Variants in FBXO38 observed in about 807,000 individuals in gnomAD.
FBXO38 encodes F-box only protein 38.
Under a neutral mutation model 131.9 loss-of-function variants are expected in FBXO38, and 53 were observed. The observed-to-expected ratio is 0.40, with a 90% CI of 0.32 to 0.51. FBXO38 has a LOEUF of 0.51. Among genes scored for constraint, FBXO38 ranks in the 20% least tolerant of loss-of-function variants. FBXO38 has a pLI of 0.53. For missense variants in FBXO38, 1,076 were observed against 1,475.6 expected (o/e 0.73, Z 4.44); for synonymous variants, 452 against 505.6 (o/e 0.89, Z 1.42).
chr5:148,425,498 G>A, intron 13 of FBXO38, 24 bp from the exon 14 acceptor site: 1 of 1,597,384 alleles, frequency 6.3e-7, no homozygotes. Flanking sequence ...AAAAGTAACT[G>A]TTAGGCCTGT....
At chr5:148,432,369 ATAAGT>A (rs1318658276) in intron 15 of FBXO38, among the ~76,000 whole-genome samples, 3 of 152,198 alleles carry the variant, frequency 2.0e-5, no homozygotes, top group African/African-American at 7.2e-5. Context: ...ATACTAGTAA[ATAAGT>A]TAGGGCATTA....
chr5:148,435,451 C>CT (rs2113654254), intron 17 of FBXO38, among the ~76,000 whole-genome samples: 1 of 152,356 alleles, frequency 6.6e-6, no homozygotes, highest in African/African-American at 2.4e-5. Flanking sequence ...CCTCACCAAG[C>CT]TTAATCATTG....
chr5:148,397,507 G>A (rs915010528), intron 2 of FBXO38: 1 of 152,194 alleles, frequency 6.6e-6, no homozygotes, highest in Admixed American at 6.5e-5. Flanking sequence ...TATAAAATGT[G>A]TTGTCATGTT....
At chr5:148,417,676 T>C (rs948947331) in intron 12 of FBXO38, among the ~76,000 whole-genome samples, 1 of 152,180 alleles carries the variant, frequency 6.6e-6, no homozygotes, top group African/African-American at 2.4e-5. Context: ...ATTAAGTACA[T>C]TAGCTAAGAA....
chr5:148,435,661 T>A (rs1754307454), intron 17 of FBXO38, among the ~76,000 whole-genome samples: 1 of 151,950 alleles, frequency 6.6e-6, no homozygotes. Flanking sequence ...TCCCAGCTAC[T>A]AGGGAGGCTG....
chr5:148,398,414 T>C (rs1380924267), intron 2 of FBXO38, among the ~76,000 whole-genome samples: 1 of 151,440 alleles, frequency 6.6e-6, no homozygotes, highest in Non-Finnish European at 1.5e-5. Flanking sequence ...CGCAATACTT[T>C]TATCAGTGTA....
intron 7 of FBXO38, among the ~76,000 whole-genome samples, 159 bp from the exon 8 acceptor site, chr5:148,408,965 T>C (rs1314221203): frequency 6.6e-6 from 1 of 152,244 alleles, no homozygotes; most frequent in East Asian, 1.9e-4. Context: ...CCAGTAGTTA[T>C]AATTCATCTT....
intron 18 of FBXO38, among the ~76,000 whole-genome samples, chr5:148,438,984 TA>T (rs1057379925): frequency 4.6e-5 from 7 of 152,188 alleles, no homozygotes; most frequent in African/African-American, 1.7e-4. Flanking sequence ...AAGGAAATTT[TA>T]AATGCCTCTT....
At position 148,418,719 on chromosome 5, in the gene FBXO38, A is replaced by G. The variant is rs115089234; in HGVS notation, c.1618+1515A>G. Among the ~76,000 whole-genome samples the G allele has an allele frequency of 9.1e-3, 1,379 of 152,294 alleles. 20 individuals are homozygous for G. Among genetic ancestry groups the G allele is most frequent in the African/African-American group, 0.032 (1,316 of 41,570 alleles). ...AAACTTACAGCAGCTGCCATTCAGA[A>G]CTACCCAAATCCTGTGAACTCATTT... is the stretch of plus-strand genomic sequence containing the variant. On this transcript the variant is annotated intron_variant, in intron 12 of 21. Transcript: ENST00000340253.
At chr5:148,400,731 G>A (rs546082019) in intron 3 of FBXO38, among the ~76,000 whole-genome samples, 6 of 152,144 alleles carry the variant, frequency 3.9e-5, no homozygotes, top group African/African-American at 7.2e-5. Flanking sequence ...CATTTCTCTC[G>A]TGGGAGGCAA....
intron 7 of FBXO38, among the ~76,000 whole-genome samples, chr5:148,407,796 G>T (rs1423584496): frequency 6.6e-6 from 1 of 151,966 alleles, no homozygotes; most frequent in African/African-American, 2.4e-5. Context: ...GTGGTGGCGG[G>T]CACCTGTAGT....
intron 9 of FBXO38, among the ~76,000 whole-genome samples, chr5:148,412,010 A>G (rs1220943244): frequency 6.6e-6 from 1 of 152,186 alleles, no homozygotes; most frequent in African/African-American, 2.4e-5. Context: ...ATTTAGGTCT[A>G]CTGAAGAATT....
At chr5:148,429,466 T>A (rs1714741583) in intron 15 of FBXO38, among the ~76,000 whole-genome samples, 1 of 152,192 alleles carries the variant, frequency 6.6e-6, no homozygotes, top group South Asian at 2.1e-4. Context: ...TGATCTCTGG[T>A]CATTCTATTC....
At position 148,394,806 on chromosome 5, in the gene FBXO38, A is replaced by G. The variant is rs916989984; in HGVS notation, c.30A>G (p.Thr10=). The change falls in exon 2 of 22, where the codon ACA becomes ACG. Residue 10 remains threonine (T), a synonymous_variant. Coordinates refer to ENST00000340253, the MANE Select transcript of FBXO38 (RefSeq NM_205836.3). MGPRKKSVK[T]CIMNNEIPEE... ...GGCCACGAAAGAAAAGTGTGAAAACATGTATCATGAATAATGAAATTCCAG... is the reference window on the plus strand; with the variant it reads ...GGCCACGAAAGAAAAGTGTGAAAACGTGTATCATGAATAATGAAATTCCAG... 2.5e-6 allele frequency: 4 copies of G among 1,596,458 alleles called. No homozygotes were observed. Among genetic ancestry groups the G allele is most frequent in the Admixed American group, 3.5e-5 (2 of 56,762 alleles).
intron 2 of FBXO38, among the ~76,000 whole-genome samples, chr5:148,396,659 CAG>C (rs1012892757): frequency 1.3e-5 from 2 of 152,234 alleles, no homozygotes; most frequent in Non-Finnish European, 2.9e-5. Flanking sequence ...ATTTTTGAGA[CAG>C]AGTCTCACTC....
At chr5:148,385,741 C>T (rs1054401795) in intron 1 of FBXO38, among the ~76,000 whole-genome samples, 3 of 152,066 alleles carry the variant, frequency 2.0e-5, no homozygotes, top group Admixed American at 6.5e-5. Context: ...TCTATGATGT[C>T]AATTAAGGTC....
In FBXO38 at chr5:148,442,238, T is replaced by G; in HGVS notation, c.*91T>G. 1 of 1,241,498 alleles carries G rather than the reference T, an allele frequency of 8.1e-7. No homozygotes were observed. Among genetic ancestry groups the G allele is most frequent in the African/African-American group, 1.5e-5 (1 of 66,894 alleles). 76.9% of individuals were successfully genotyped at this position (1,241,498 alleles called of 1,614,324 possible). ...CTCCACAGGGACTTGAGGCATGCAGTTGGGAGGTCCTGGCTCGGTTTGCTA... is the reference window on the plus strand; with the variant it reads ...CTCCACAGGGACTTGAGGCATGCAGGTGGGAGGTCCTGGCTCGGTTTGCTA... On this transcript the variant is annotated 3_prime_UTR_variant, in exon 22 of 22. Coordinates refer to ENST00000340253, the MANE Select transcript of FBXO38 (RefSeq NM_205836.3).
At chr5:148,390,133 A>G (rs540491578) in intron 1 of FBXO38, 1 of 152,100 alleles carries the variant, frequency 6.6e-6, no homozygotes, top group Middle Eastern at 3.2e-3. Context: ...CCTATTCATC[A>G]GTACCTGAGA....
intron 17 of FBXO38, among the ~76,000 whole-genome samples, chr5:148,436,112 T>A (rs138433720): frequency 1.6e-4 from 25 of 152,196 alleles, no homozygotes; most frequent in African/African-American, 6.0e-4. Flanking sequence ...ACCCAAAGAC[T>A]CAAAGGGAGC....
Sources: gnomAD v4.1 joint callset for allele counts (sites outside exome capture counted in the v4.1 genomes callset) on GRCh38, gnomAD v4.1.1 for gene constraint, MANE v1.5 for transcripts, NCBI Gene and HGNC (gene_info 2026-07-23, HGNC 2026-07-21) for gene names.